CACNA2D4: variants seen among roughly 807,000 people sequenced by gnomAD.
CACNA2D4 encodes the protein voltage-dependent calcium channel subunit alpha-2/delta-4.
CACNA2D4 carries 157 observed loss-of-function variants against 163.8 expected under a neutral mutation model. That is an observed-to-expected ratio of 0.96 (90% CI 0.84 to 1.09). The LOEUF is 1.09. Among genes scored for constraint, CACNA2D4 ranks in the 50% least tolerant of loss-of-function variants. The pLI, the probability that CACNA2D4 is intolerant of heterozygous loss-of-function variation, is 0.00. For missense variants in CACNA2D4, 1,410 were observed against 1,479.9 expected (o/e 0.95, Z 0.78); for synonymous variants, 598 against 586.9 (o/e 1.02, Z -0.27).
intron 4 of CACNA2D4, among the ~76,000 whole-genome samples, chr12:1,909,327 G>A (rs1200325076): frequency 6.6e-6 from 1 of 152,206 alleles, no homozygotes; most frequent in Non-Finnish European, 1.5e-5. Flanking sequence ...GAGTAGCTGG[G>A]ACTACAAGCG....
At chr12:1,855,540 A>G (rs543317165) in intron 22 of CACNA2D4, among the ~76,000 whole-genome samples, 4 of 152,336 alleles carry the variant, frequency 2.6e-5, no homozygotes, top group Non-Finnish European at 4.4e-5. Context: ...GGAAGAGGTG[A>G]GCAAGGTTAG....
intron 20 of CACNA2D4, among the ~76,000 whole-genome samples, chr12:1,858,305 T>C (rs1865443536): frequency 6.6e-6 from 1 of 152,206 alleles, no homozygotes; most frequent in Admixed American, 6.5e-5. Flanking sequence ...ACGGTCCTTC[T>C]AGTCCAGCAA....
At chr12:1,814,214 A>G (rs913259875) in intron 26 of CACNA2D4, among the ~76,000 whole-genome samples, 2 of 152,012 alleles carry the variant, frequency 1.3e-5, no homozygotes, top group Non-Finnish European at 2.9e-5. Flanking sequence ...GAGATTTCTG[A>G]GCTGGAAGGA....
intron 2 of CACNA2D4, among the ~76,000 whole-genome samples, chr12:1,913,981 G>A (rs1592754166): frequency 6.6e-6 from 1 of 152,334 alleles, no homozygotes; most frequent in African/African-American, 2.4e-5. Flanking sequence ...TGAAGCATAG[G>A]AGCGTGCTGT....
At chr12:1,858,038 T>G (rs760537436) in intron 20 of CACNA2D4, among the ~76,000 whole-genome samples, 27 of 152,060 alleles carry the variant, frequency 1.8e-4, no homozygotes, top group Admixed American at 9.8e-4. Context: ...CTGGAAGAGG[T>G]GAGCGAGGAC....
intron 6 of CACNA2D4, among the ~76,000 whole-genome samples, chr12:1,891,292 A>G (rs1287337583): frequency 6.6e-6 from 1 of 152,204 alleles, no homozygotes. Flanking sequence ...TGCCACCCTA[A>G]GCCACTGAGG....
intron 26 of CACNA2D4, among the ~76,000 whole-genome samples, chr12:1,837,480 A>G (rs1864906682): frequency 6.6e-6 from 1 of 152,134 alleles, no homozygotes; most frequent in Non-Finnish European, 1.5e-5. Flanking sequence ...CTCTGGGGTT[A>G]TAAGCATGCT....
chr12:1,805,141 G>T (rs1280553828), intron 29 of CACNA2D4, among the ~76,000 whole-genome samples: 2 of 152,126 alleles, frequency 1.3e-5, no homozygotes, highest in African/African-American at 4.8e-5. Context: ...GTGGCCCGTG[G>T]GCTGCCTGAA....
intron 34 of CACNA2D4, 101 bp from the exon 35 acceptor site, chr12:1,797,636 C>G: frequency 1.1e-6 from 1 of 873,566 alleles, no homozygotes. Flanking sequence ...AGTGCATTTG[C>G]AGAGGGTCCC....
intron 26 of CACNA2D4, among the ~76,000 whole-genome samples, chr12:1,815,569 A>G (rs543861454): frequency 2.0e-5 from 3 of 151,282 alleles, no homozygotes; most frequent in South Asian, 2.1e-4. Context: ...AATAGCAGGC[A>G]GGGGATTGAG....
chr12:1,868,904 A>T (rs1208447630), intron 18 of CACNA2D4, among the ~76,000 whole-genome samples: 4 of 152,148 alleles, frequency 2.6e-5, no homozygotes, highest in Non-Finnish European at 4.4e-5. Context: ...ATTACACTGT[A>T]TTAGGTTTTA....
At chr12:1,892,608 A>G (rs1458630612) in intron 6 of CACNA2D4, among the ~76,000 whole-genome samples, 2 of 152,228 alleles carry the variant, frequency 1.3e-5, no homozygotes, top group Non-Finnish European at 1.5e-5. Context: ...CCAGAAATCA[A>G]TTAATACAAT....
At chr12:1,896,652 C>CA (rs1184831451) in intron 6 of CACNA2D4, among the ~76,000 whole-genome samples, 4 of 117,184 alleles carry the variant, frequency 3.4e-5, no homozygotes, top group Non-Finnish European at 7.3e-5. Context: ...CACACACACA[C>CA]ACAAAACAGA....
chr12:1,878,938 GA>G lies in CACNA2D4; in HGVS notation c.1644+17del. The G allele has an allele frequency of 3.1e-6, 5 of 1,609,910 alleles. No individual in the cohort carries two copies. The highest frequency in any genetic ancestry group is 4.2e-6 in the Non-Finnish European group (5 of 1,176,532). On this transcript the variant is annotated intron_variant, in intron 15 of 37. Transcript: ENST00000382722. The surrounding 1 kb of genome is among the most constrained non-coding windows in gnomAD (Gnocchi z 4.6). ...CTGGGGAACCTGTGATCCCCACAGG[GA>G]ACAGACCCAGGCTCACCTTGTACCG...
Position 1,885,859 on chromosome 12 carries a change from C to T in CACNA2D4, c.1068+106G>A, listed in dbSNP as rs1183378494. 20 of 799,160 alleles carry T rather than the reference C, an allele frequency of 2.5e-5. No homozygotes were observed. In the Admixed American group the frequency reaches 4.5e-4, roughly 18 times the overall value. The allele number at this position is 799,160 out of a possible 1,614,324, so 49.5% of individuals were successfully genotyped here. On this transcript the variant is annotated intron_variant, in intron 9 of 37. Coordinates refer to ENST00000382722, the MANE Select transcript of CACNA2D4 (RefSeq NM_172364.5). ...CGTGCTCTGCTCTCATTCCAGGTGC[C>T]ATGGGAATAAGCAAAAAGGGCCACA... is the stretch of plus-strand genomic sequence containing the variant.
intron 23 of CACNA2D4, among the ~76,000 whole-genome samples, chr12:1,848,878 G>T (rs1218528291): frequency 6.6e-6 from 1 of 152,134 alleles, no homozygotes; most frequent in East Asian, 1.9e-4. Context: ...ATGAGGCTGG[G>T]ATAACAGCCG....
intron 37 of CACNA2D4, 105 bp downstream of exon 37, chr12:1,795,194 G>T: frequency 2.1e-6 from 2 of 958,026 alleles, no homozygotes; most frequent in Non-Finnish European, 3.2e-6. Flanking sequence ...GCACAGGTGT[G>T]TTCATTGGCA....
At chr12:1,879,750 C>T in intron 14 of CACNA2D4, 54 bp downstream of exon 14, 1 of 1,409,828 alleles carries the variant, frequency 7.1e-7, no homozygotes, top group Non-Finnish European at 9.8e-7. Context: ...AAAGATGGCA[C>T]TGAAGCCCCA....
intron 6 of CACNA2D4, among the ~76,000 whole-genome samples, chr12:1,889,584 C>T (rs1045497422): frequency 5.3e-5 from 8 of 152,046 alleles, no homozygotes; most frequent in African/African-American, 1.7e-4. Context: ...TCAGCCGCCC[C>T]CCCCAGTAGC....
Sources: allele counts gnomAD v4.1 joint callset (sites outside exome capture counted in the v4.1 genomes callset), GRCh38; gene constraint gnomAD v4.1.1; non-coding constraint Gnocchi (gnomAD v3.1); transcripts MANE v1.5; gene names NCBI Gene and HGNC (gene_info 2026-07-23, HGNC 2026-07-21).